Variants in CDH18 observed in about 807,000 individuals in gnomAD.
The protein encoded by CDH18 is cadherin-18.
A neutral mutation model predicts 67.9 loss-of-function variants in CDH18; 31 were observed. The ratio of observed to expected loss-of-function variants is 0.46; its 90% CI spans 0.34 to 0.62. The LOEUF is 0.62. Among genes scored for constraint, CDH18 ranks in the 20% least tolerant of loss-of-function variants. The pLI, the probability that CDH18 is intolerant of heterozygous loss-of-function variation, is 0.01. For missense variants in CDH18, 890 were observed against 975.5 expected, an observed-to-expected ratio of 0.91 and a Z score of 1.17; for synonymous variants, 362 against 347.2, an observed-to-expected ratio of 1.04 and a Z score of -0.48.
intron 1 of CDH18, among the ~76,000 whole-genome samples, chr5:20,536,963 G>T (rs1234849077): frequency 6.6e-6 from 1 of 152,106 alleles, no homozygotes; most frequent in Non-Finnish European, 1.5e-5. Context: ...ATTAGCTAGG[G>T]CTGCCTACCT....
chr5:20,479,673 G>T (rs1752661871), intron 1 of CDH18, among the ~76,000 whole-genome samples: 1 of 152,072 alleles, frequency 6.6e-6, no homozygotes. Context: ...AAAATTATTG[G>T]CCTTATTGGC....
At chr5:19,602,293 G>T (rs1235151111) in intron 6 of CDH18, among the ~76,000 whole-genome samples, 1 of 151,946 alleles carries the variant, frequency 6.6e-6, no homozygotes, top group East Asian at 1.9e-4. Context: ...ACAAGATAAT[G>T]AATAATTGCA....
intron 9 of CDH18, among the ~76,000 whole-genome samples, chr5:19,524,871 G>T (rs200263203): frequency 3.3e-5 from 5 of 152,004 alleles, no homozygotes; most frequent in Non-Finnish European, 7.4e-5. Context: ...TCAGCCTCCC[G>T]AGTAGCTGGG....
In CDH18 at chr5:20,333,461, C is replaced by T. The variant is rs189198998; in HGVS notation, c.-579-77956G>A. On this transcript the variant is annotated intron_variant, in intron 1 of 14. Coordinates refer to the CDH18 transcript ENST00000507958. ...GGCGGAGGTTGCAGTGAGCTGAGGT[C>T]GAGCCACTGCACTCCAGCCTGGTGA... Among the ~76,000 whole-genome samples, 203 of 146,846 alleles carry T rather than the reference C, an allele frequency of 1.4e-3. 1 individual carries two copies. The highest frequency in any genetic ancestry group is 4.2e-3 in the African/African-American group (166 of 39,920).
rs74775152 is a variant in CDH18, at chr5:19,672,585, C to T, written c.643+48762G>A. Reference sequence around the variant, plus strand: ...AATCCTCACAAATGTTAAGGAAGGACCAAACAACTTAGTAAAATTTTCTCC... The same window carrying T: ...AATCCTCACAAATGTTAAGGAAGGATCAAACAACTTAGTAAAATTTTCTCC... On this transcript the variant is annotated intron_variant, in intron 5 of 12. Transcript: ENST00000382275. Among the ~76,000 whole-genome samples the T allele has an allele frequency of 1.6e-4, 24 of 151,988 alleles. No individual in the cohort carries two copies. In the East Asian group the frequency reaches 4.1e-3, roughly 26 times the overall value.
Position 19,571,942 on chromosome 5 carries a change from G to A in CDH18, c.1000-110C>T, listed in dbSNP as rs1741494446. On this transcript the variant is annotated intron_variant, in intron 7 of 12. Transcript: ENST00000382275. ...TTCCTTTTTAGAATAAAATAATTGA[G>A]AGAGAGATAAGTCATTCTAGCTTTG... 4.9e-6 allele frequency: 4 copies of A among 821,986 alleles called. No individual in the cohort carries two copies. In the East Asian group the frequency reaches 8.0e-5, roughly 17 times the overall value. The allele number at this position is 821,986 out of a possible 1,614,324, so 50.9% of individuals were successfully genotyped here.
intron 5 of CDH18, among the ~76,000 whole-genome samples, chr5:19,631,715 T>C (rs1382098519): frequency 6.6e-6 from 1 of 152,188 alleles, no homozygotes; most frequent in African/African-American, 2.4e-5. Context: ...TAACTACATT[T>C]AAAATCACTG....
intron 3 of CDH18, among the ~76,000 whole-genome samples, chr5:19,817,995 A>T (rs549169708): frequency 4.6e-5 from 7 of 152,234 alleles, no homozygotes; most frequent in African/African-American, 1.4e-4. Context: ...AGGTATCACA[A>T]AATATTATTT....
Position 19,721,425 on chromosome 5 carries a change from G to A in CDH18, c.565C>T (p.Pro189Ser). 1 of 1,612,170 alleles carries A rather than the reference G, an allele frequency of 6.2e-7. No individual in the cohort carries two copies. The highest frequency in any genetic ancestry group is 2.2e-5 in the East Asian group (1 of 44,850). Residue 189 changes from proline (P) to serine (S), a missense_variant, in exon 5 of 13, where the codon CCT becomes TCT. By Grantham distance (74) the Pro-to-Ser change is moderately conservative. This residue lies in a region of CDH18 where 234 missense variants were observed against 307.4 expected (regional missense o/e 0.76). Coordinates refer to ENST00000382275, the MANE Select transcript of CDH18 (RefSeq NM_004934.5). ...ACCCGAGCGCTGTTTCCATAGGTAG[G>A]GTCATCTGCATCAGTAGCTGTCACC... Reference protein sequence around the residue: ...LQVTATDADDPTYGNSARVVY... With the variant: ...LQVTATDADDSTYGNSARVVY...
chr5:20,502,375 C>G (rs796832080), intron 1 of CDH18, among the ~76,000 whole-genome samples: 20 of 152,208 alleles, frequency 1.3e-4, no homozygotes, highest in African/African-American at 4.8e-4. Context: ...AAAACTGCCT[C>G]AAGGATTTTC....
At chr5:19,847,041 T>G (rs1034608693) in intron 2 of CDH18, among the ~76,000 whole-genome samples, 3 of 151,820 alleles carry the variant, frequency 2.0e-5, no homozygotes, top group African/African-American at 7.3e-5. Context: ...GAGTCACTTT[T>G]CTTTTGTTTC....
At chr5:20,520,021 C>T (rs185609211) in intron 1 of CDH18, among the ~76,000 whole-genome samples, 52 of 116,842 alleles carry the variant, frequency 4.5e-4, no homozygotes, top group African/African-American at 1.6e-3. Context: ...AGGTTGGTCT[C>T]GAACTCCTGA....
At chr5:19,774,849 A>AAAAAG (rs1774157856) in intron 3 of CDH18, among the ~76,000 whole-genome samples, 1 of 133,050 alleles carries the variant, frequency 7.5e-6, no homozygotes, top group Non-Finnish European at 1.6e-5. Flanking sequence ...AAAAAAAAAA[A>AAAAAG]GGCCAAGACT....
chr5:19,980,812 C>T lies in CDH18; in HGVS notation c.-257+248G>A, dbSNP rs373653244. On this transcript the variant is annotated intron_variant, in intron 2 of 12. Transcript: ENST00000382275. The stretch of plus-strand genomic sequence containing the variant: ...TTCCATTGACTGCATTTTATCCCCA[C>T]TTGGACATCTCAATCAATATATGTG... 2.6e-5 allele frequency among the ~76,000 whole-genome samples: 4 copies of T among 152,314 alleles called. No individual in the cohort carries two copies. In the East Asian group the frequency reaches 5.8e-4, roughly 22 times the overall value.
At chr5:19,861,439 C>T (rs1784898336) in intron 2 of CDH18, among the ~76,000 whole-genome samples, 1 of 152,032 alleles carries the variant, frequency 6.6e-6, no homozygotes, top group Non-Finnish European at 1.5e-5. Context: ...TAAGAAGGGG[C>T]AAACAGAGAA....
chr5:19,896,326 G>T (rs1182697329), intron 2 of CDH18, among the ~76,000 whole-genome samples: 1 of 151,998 alleles, frequency 6.6e-6, no homozygotes, highest in Non-Finnish European at 1.5e-5. Flanking sequence ...TCGAGCCTGG[G>T]CAACAAGAGT....
intron 3 of CDH18, among the ~76,000 whole-genome samples, chr5:19,780,437 A>G (rs1264016679): frequency 1.3e-5 from 2 of 152,118 alleles, no homozygotes; most frequent in Non-Finnish European, 2.9e-5. Context: ...TTATCAATAC[A>G]TTGTATCCTA....
intron 2 of CDH18, among the ~76,000 whole-genome samples, chr5:19,976,588 T>C (rs1049429108): frequency 6.6e-6 from 1 of 152,054 alleles, no homozygotes; most frequent in Non-Finnish European, 1.5e-5. Context: ...TTTAGTAGTA[T>C]AAGGTAGATG....
rs995061808 is a variant in CDH18, at chr5:20,220,374, G to T, written c.-518+35070C>A. On this transcript the variant is annotated intron_variant, in intron 2 of 14. Coordinates refer to the CDH18 transcript ENST00000507958. ...CAAAGTTGTCAAAAACATACTCTAG[G>T]AAAAGGATAGTCGCTTTTATACATA... Among the ~76,000 whole-genome samples, 3 of 151,868 alleles carry T rather than the reference G, an allele frequency of 2.0e-5. No individual in the cohort carries two copies. In the East Asian group the frequency reaches 5.8e-4, roughly 29 times the overall value.
Sources: allele counts gnomAD v4.1 joint callset (sites outside exome capture counted in the v4.1 genomes callset), GRCh38; gene constraint gnomAD v4.1.1; regional missense constraint gnomAD v4.1.1; transcripts MANE v1.5; gene names NCBI Gene and HGNC (gene_info 2026-07-23, HGNC 2026-07-21).